Variants in GRID2 observed in about 807,000 individuals in gnomAD.
The protein encoded by GRID2 is glutamate receptor ionotropic, delta-2.
In GRID2, 33 loss-of-function variants were observed where a neutral mutation model predicts 114.8. The ratio of observed to expected loss-of-function variants is 0.29; its 90% CI spans 0.22 to 0.38. The LOEUF is 0.38. Among genes scored for constraint, GRID2 ranks in the 10% least tolerant of loss-of-function variants. The pLI, the probability that GRID2 is intolerant of heterozygous loss-of-function variation, is 1.00. For missense variants in GRID2, 1,184 were observed against 1,257.7 expected, an observed-to-expected ratio of 0.94 and a Z score of 0.89; for synonymous variants, 505 against 449.9, an observed-to-expected ratio of 1.12 and a Z score of -1.55.
intron 13 of GRID2, among the ~76,000 whole-genome samples, chr4:93,622,011 C>T (rs1448152570): frequency 6.6e-6 from 1 of 152,098 alleles, no homozygotes; most frequent in Non-Finnish European, 1.5e-5. Context: ...GGGGAGGTCC[C>T]TTGAGGTTTG....
intron 14 of GRID2, among the ~76,000 whole-genome samples, chr4:93,745,820 T>G (rs1731794802): frequency 6.6e-6 from 1 of 152,212 alleles, no homozygotes; most frequent in Non-Finnish European, 1.5e-5. Flanking sequence ...TTATTTTATT[T>G]CTTTTTTGTT....
chr4:93,049,715 T>C (rs988856262), intron 2 of GRID2, among the ~76,000 whole-genome samples: 6 of 152,016 alleles, frequency 3.9e-5, no homozygotes, highest in Admixed American at 3.9e-4. Context: ...AAAATATTTT[T>C]CTTCCAATTT....
intron 14 of GRID2, among the ~76,000 whole-genome samples, chr4:93,740,948 A>G (rs1236747895): frequency 6.6e-6 from 1 of 151,170 alleles, no homozygotes; most frequent in Non-Finnish European, 1.5e-5. Context: ...TGCAAGGAGT[A>G]TTATGGAGCT....
intron 14 of GRID2, among the ~76,000 whole-genome samples, chr4:93,729,324 G>A (rs41506845): frequency 0.042 from 6,430 of 152,164 alleles, 219 homozygotes; most frequent in African/African-American, 0.085. Context: ...AGGAGATCCA[G>A]GATGAGACAA....
At chr4:93,659,919 C>T (rs545714908) in intron 14 of GRID2, among the ~76,000 whole-genome samples, 2 of 151,778 alleles carry the variant, frequency 1.3e-5, no homozygotes, top group East Asian at 3.9e-4. Flanking sequence ...AATGGAATCT[C>T]TAATTTACTT....
intron 2 of GRID2, among the ~76,000 whole-genome samples, chr4:92,840,043 G>A (rs1169331816): frequency 6.6e-6 from 1 of 151,896 alleles, no homozygotes; most frequent in Non-Finnish European, 1.5e-5. Context: ...ATATCCTCCT[G>A]CTGAATTGAC....
chr4:93,200,989 T>A (rs1047053878), intron 4 of GRID2, among the ~76,000 whole-genome samples: 6 of 152,204 alleles, frequency 3.9e-5, no homozygotes, highest in African/African-American at 1.4e-4. Flanking sequence ...ATGTTCATTC[T>A]GATTCTATTG....
chr4:93,126,345 G>A (rs889403071), intron 4 of GRID2, among the ~76,000 whole-genome samples: 1 of 151,840 alleles, frequency 6.6e-6, no homozygotes, highest in Non-Finnish European at 1.5e-5. Flanking sequence ...TCAAAAGAAG[G>A]CATAATTGGC....
chr4:92,613,046 G>A (rs1729832215), intron 2 of GRID2, among the ~76,000 whole-genome samples: 1 of 151,324 alleles, frequency 6.6e-6, no homozygotes, highest in African/African-American at 2.4e-5. Context: ...TAAATATGAT[G>A]TTAGCTGTAT....
chr4:93,042,543 A>G (rs1318407073), intron 2 of GRID2, among the ~76,000 whole-genome samples: 1 of 147,050 alleles, frequency 6.8e-6, no homozygotes, highest in Non-Finnish European at 1.5e-5. Context: ...TAATAGAGAG[A>G]ATCAGTGTCT....
intron 1 of GRID2, among the ~76,000 whole-genome samples, chr4:92,306,335 G>T (rs934050603): frequency 6.6e-6 from 1 of 152,224 alleles, no homozygotes; most frequent in Admixed American, 6.5e-5. Context: ...ATCCCGTTTT[G>T]CCTGGGGGCT....
chr4:92,492,807 T>G (rs1723204547), intron 1 of GRID2, among the ~76,000 whole-genome samples: 1 of 152,034 alleles, frequency 6.6e-6, no homozygotes. Flanking sequence ...GCATAATAAC[T>G]AAGTAAACAA....
chr4:93,628,767 C>CTTTTTTTTTTTTT lies in GRID2; in HGVS notation c.2360+2335_2360+2347dup, dbSNP rs377083909. 2.2e-5 allele frequency among the ~76,000 whole-genome samples: 3 copies of CTTTTTTTTTTTTT among 136,954 alleles called. No individual in the cohort carries two copies. In the Admixed American group the frequency reaches 2.2e-4, roughly 10 times the overall value. 89.8% of individuals were successfully genotyped at this position (136,954 alleles called of 152,430 possible). On this transcript the variant is annotated intron_variant, in intron 14 of 15. Transcript: ENST00000282020. ...TTGCTTTTCAGACTTGATTTTCTGGCTTTTTTTTTTTTTTTGAGACATTGT... is the reference window on the plus strand; with the variant it reads ...TTGCTTTTCAGACTTGATTTTCTGGCTTTTTTTTTTTTTTTTTTTTTTTTTTTTGAGACATTGT...
intron 2 of GRID2, among the ~76,000 whole-genome samples, chr4:92,953,243 A>G (rs1280669728): frequency 6.6e-6 from 1 of 152,192 alleles, no homozygotes; most frequent in Non-Finnish European, 1.5e-5. Flanking sequence ...AACCTATAAC[A>G]TTGAGTAATA....
Position 93,112,038 on chromosome 4 carries a change from T to C in GRID2, c.735+1085T>C, listed in dbSNP as rs543268112. ...TCAGCAAATGACTTAGAGAATCTTA[T>C]TGAACTACTACATTTTTTCATAATA... On this transcript the variant is annotated intron_variant, in intron 4 of 15. Coordinates refer to ENST00000282020, the MANE Select transcript of GRID2 (RefSeq NM_001510.4). 23 of 152,314 alleles carry C rather than the reference T, an allele frequency of 1.5e-4. No individual in the cohort carries two copies. In the East Asian group the frequency reaches 3.9e-3, roughly 26 times the overall value. The allele number at this position is 152,314 out of a possible 1,614,324, so 9.4% of individuals were successfully genotyped here.
intron 2 of GRID2, among the ~76,000 whole-genome samples, chr4:93,010,018 T>G (rs1437610718): frequency 6.6e-6 from 1 of 152,076 alleles, no homozygotes; most frequent in East Asian, 1.9e-4. Flanking sequence ...GTAGGAAGTA[T>G]CAAGGTCCTG....
chr4:92,758,658 A>T (rs1216332461), intron 2 of GRID2, among the ~76,000 whole-genome samples: 1 of 152,162 alleles, frequency 6.6e-6, no homozygotes, highest in Non-Finnish European at 1.5e-5. Flanking sequence ...GAATAAAAAT[A>T]CTTCTAACAA....
chr4:92,665,123 T>C (rs185388324), intron 2 of GRID2, among the ~76,000 whole-genome samples: 159 of 151,172 alleles, frequency 1.1e-3, no homozygotes, highest in Admixed American at 5.1e-3. Context: ...CATTACTGTC[T>C]TCTGTGTTTA....
rs538044516 is a variant in GRID2 at position 92,657,578 on chromosome 4, A to C, written c.244+67292A>C. ...TTTTATTTTTAAAAGTAAAACATTT[A>C]GAATTAAGCGTGTGTCATTTCGATG... On this transcript the variant is annotated intron_variant, in intron 2 of 15. Coordinates refer to ENST00000282020, the MANE Select transcript of GRID2 (RefSeq NM_001510.4). 8.7e-4 allele frequency among the ~76,000 whole-genome samples: 132 copies of C among 151,860 alleles called. 1 individual carries two copies. The South Asian group carries it at 0.026, about 30-fold the overall frequency.
Sources: allele counts gnomAD v4.1 joint callset (sites outside exome capture counted in the v4.1 genomes callset), GRCh38; gene constraint gnomAD v4.1.1; transcripts MANE v1.5; gene names NCBI Gene and HGNC (gene_info 2026-07-23, HGNC 2026-07-21).